KLHL13: variants seen among roughly 807,000 people sequenced by gnomAD.
KLHL13 encodes the protein kelch-like protein 13.
In KLHL13, 10 loss-of-function variants were observed where a neutral mutation model predicts 37.1. That is an observed-to-expected ratio of 0.27 (90% CI 0.17 to 0.46). KLHL13 has a LOEUF of 0.46. Ranked by LOEUF, KLHL13 falls within the 20% of genes least tolerant of loss-of-function variation. The pLI is 1.00. For synonymous variants in KLHL13, 163 were observed against 181.2 expected, an observed-to-expected ratio of 0.90 and a Z score of 0.81; for missense variants, 360 against 509.3, an observed-to-expected ratio of 0.71 and a Z score of 2.82.
intron 1 of KLHL13, chrX:117,947,330 G>C (rs773047729): frequency 2.2e-4 from 25 of 111,966 alleles, no homozygotes; most frequent in Non-Finnish European, 3.6e-4. Flanking sequence ...TAGCACGAAA[G>C]ACTTAATATA....
At position 117,926,885 on chromosome X, in the gene KLHL13, C is replaced by CTTTTTTTTTTTTTTTTTTTT. The variant is rs10596292; in HGVS notation, c.241-6535_241-6516dup. Among the ~76,000 whole-genome samples, 3 of 26,155 alleles carry CTTTTTTTTTTTTTTTTTTTT rather than the reference C, an allele frequency of 1.1e-4. 1 individual carries two copies. Among genetic ancestry groups the CTTTTTTTTTTTTTTTTTTTT allele is most frequent in the Non-Finnish European group, 1.7e-4 (2 of 12,101 alleles). 22.7% of individuals were successfully genotyped at this position (26,155 alleles called of 115,157 possible). A position where few individuals can be genotyped will look rare whatever the true frequency, so the allele number is the denominator to read the frequency against. ...AAGCTCCAGGAGAAGCCCCCTACTT[C>CTTTTTTTTTTTTTTTTTTTT]TTTTTTTTTTTTTTTTTTTTTTTTT... On this transcript the variant is annotated intron_variant, in intron 2 of 6. Coordinates refer to ENST00000262820, the Ensembl canonical transcript of KLHL13.
At chrX:117,918,719 C>A (rs1278159025) in intron 4 of KLHL13, among the ~76,000 whole-genome samples, 1 of 111,542 alleles carries the variant, frequency 9.0e-6, no homozygotes, top group African/African-American at 3.3e-5. Context: ...CCTATCTTAT[C>A]TATTAAAAAA....
intron 4 of KLHL13, among the ~76,000 whole-genome samples, chrX:117,918,920 T>C (rs761791735): frequency 5.3e-5 from 6 of 112,229 alleles, no homozygotes; most frequent in Non-Finnish European, 1.1e-4. Context: ...GTATAGTCAT[T>C]AAGGTGAATA....
At chrX:117,930,236 GGAAGGGAGGA>G in intron 2 of KLHL13, among the ~76,000 whole-genome samples, 1 of 84,861 alleles carries the variant, frequency 1.2e-5, no homozygotes, top group African/African-American at 5.5e-5. Context: ...AAGGAAGGAA[GGAAGGGAGGA>G]AGGAAGGAAG....
At chrX:117,987,604 T>C (rs2053743005) in intron 1 of KLHL13, among the ~76,000 whole-genome samples, 1 of 112,083 alleles carries the variant, frequency 8.9e-6, no homozygotes, top group African/African-American at 3.2e-5. Flanking sequence ...ATCCTTTTTA[T>C]GTATGCACAA....
chrX:118,069,515 C>G (rs910199547), intron 1 of KLHL13, among the ~76,000 whole-genome samples: 5 of 107,382 alleles, frequency 4.7e-5, no homozygotes, highest in Non-Finnish European at 9.6e-5. Context: ...ACCCATGTAC[C>G]AAAATTGAAC....
At chrX:117,933,037 A>C (rs1173659363) in intron 2 of KLHL13, among the ~76,000 whole-genome samples, 1 of 109,871 alleles carries the variant, frequency 9.1e-6, no homozygotes, top group Admixed American at 9.7e-5. Flanking sequence ...ATGTCTATTC[A>C]GGTCTTTTGC....
chrX:117,988,429 G>T (rs191018205), intron 1 of KLHL13, among the ~76,000 whole-genome samples: 1 of 111,954 alleles, frequency 8.9e-6, no homozygotes, highest in African/African-American at 3.2e-5. Flanking sequence ...GTGGTTTACA[G>T]AATTTTCTGT....
intron 1 of KLHL13, among the ~76,000 whole-genome samples, chrX:118,052,931 A>T (rs181799459): frequency 8.9e-6 from 1 of 111,844 alleles, no homozygotes; most frequent in Admixed American, 9.5e-5. Context: ...TAGAGCCCAT[A>T]AAGAAAATAA....
intron 1 of KLHL13, among the ~76,000 whole-genome samples, chrX:118,109,503 A>T (rs1158086089): frequency 8.9e-6 from 1 of 112,367 alleles, no homozygotes; most frequent in Non-Finnish European, 1.9e-5. Context: ...TTGCGTTCTA[A>T]GGCAGAATGT....
intron 4 of KLHL13, among the ~76,000 whole-genome samples, chrX:117,911,587 C>A (rs375404014): frequency 5.6e-4 from 63 of 111,688 alleles, no homozygotes; most frequent in African/African-American, 2.0e-3. Context: ...GTGTGATGTT[C>A]CCCTCCCTGT....
chrX:118,019,082 T>G (rs2054164706), intron 1 of KLHL13, among the ~76,000 whole-genome samples: 1 of 110,916 alleles, frequency 9.0e-6, no homozygotes, highest in Non-Finnish European at 1.9e-5. Context: ...ATCTACTTCC[T>G]TGGAAAATTT....
chrX:117,907,841 T>C (rs1351363843), intron 5 of KLHL13, among the ~76,000 whole-genome samples: 1 of 111,124 alleles, frequency 9.0e-6, no homozygotes, highest in Non-Finnish European at 1.9e-5. Context: ...AAAGACCATG[T>C]CACTAACAAG....
intron 1 of KLHL13, among the ~76,000 whole-genome samples, chrX:118,063,978 T>C (rs1349458560): frequency 9.0e-6 from 1 of 111,668 alleles, no homozygotes; most frequent in Non-Finnish European, 1.9e-5. Context: ...TTTTTCCGAC[T>C]AAGTCTGAAG....
intron 5 of KLHL13, among the ~76,000 whole-genome samples, chrX:117,903,552 T>C (rs895214268): frequency 2.7e-5 from 3 of 111,399 alleles, no homozygotes; most frequent in Admixed American, 9.6e-5. Context: ...CCTTTTCAAA[T>C]GTTCATTTCT....
chrX:118,101,732 G>A (rs1284094844), intron 1 of KLHL13, among the ~76,000 whole-genome samples: 1 of 110,885 alleles, frequency 9.0e-6, no homozygotes, highest in Non-Finnish European at 1.9e-5. Flanking sequence ...GGAGGTGATT[G>A]GATCACAGGT....
At chrX:117,959,730 A>T (rs761487786) in intron 1 of KLHL13, among the ~76,000 whole-genome samples, 1 of 111,907 alleles carries the variant, frequency 8.9e-6, no homozygotes, top group African/African-American at 3.2e-5. Context: ...TGATTAAGAT[A>T]ATTATGCACA....
At chrX:118,101,486 C>A (rs2055288253) in intron 1 of KLHL13, among the ~76,000 whole-genome samples, 1 of 111,283 alleles carries the variant, frequency 9.0e-6, no homozygotes, top group African/African-American at 3.3e-5. Context: ...GAGTCATGAA[C>A]AATACTATGG....
intron 1 of KLHL13, among the ~76,000 whole-genome samples, chrX:117,989,758 C>A (rs564811173): frequency 1.8e-5 from 2 of 111,517 alleles, no homozygotes; most frequent in Non-Finnish European, 3.8e-5. Flanking sequence ...ACCAAGCAAA[C>A]TTCTAGTCAT....
Sources: allele counts gnomAD v4.1 joint callset (sites outside exome capture counted in the v4.1 genomes callset), GRCh38; gene constraint gnomAD v4.1.1; transcripts MANE v1.5; gene names NCBI Gene and HGNC (gene_info 2026-07-23, HGNC 2026-07-21).